The following SP110 variants were observed in gnomAD, a reference collection of about 807,000 sequenced individuals.
SP110 encodes the protein SP110 nuclear body protein.
In SP110, 62 loss-of-function variants were observed where a neutral mutation model predicts 92.7. The ratio of observed to expected loss-of-function variants is 0.67; its 90% CI spans 0.55 to 0.83. The LOEUF (loss-of-function observed/expected upper bound fraction) is 0.83, where lower values mean the gene tolerates loss of function less well. Among genes scored for constraint, SP110 ranks in the 40% least tolerant of loss-of-function variants. SP110 has a pLI of 0.00. For synonymous variants in SP110, 273 were observed against 305.3 expected, an observed-to-expected ratio of 0.89 and a Z score of 1.10; for missense variants, 793 against 863.9, an observed-to-expected ratio of 0.92 and a Z score of 1.03.
chr2:230,180,172 A>G (rs147093433), intron 12 of SP110, among the ~76,000 whole-genome samples: 1 of 152,340 alleles, frequency 6.6e-6, no homozygotes, highest in African/African-American at 2.4e-5. Flanking sequence ...GCCTGCTGTG[A>G]AAAGCAAGCA....
intron 3 of SP110, 99 bp from the exon 4 acceptor site, chr2:230,213,126 T>C: frequency 8.5e-7 from 1 of 1,178,810 alleles, no homozygotes; most frequent in Non-Finnish European, 1.3e-6. Flanking sequence ...GATGGGGGCA[T>C]GGAGCTATTC....
upstream of SP110, among the ~76,000 whole-genome samples, chr2:230,220,417 AAAAC>A (rs1228506226): frequency 1.3e-5 from 2 of 152,240 alleles, no homozygotes; most frequent in African/African-American, 4.8e-5. Flanking sequence ...AACACACAAA[AAAAC>A]AAAGAGAATG....
chr2:230,211,666 C>G lies in SP110; in HGVS notation c.668-113G>C. ...GTAAAAATGACGGGGTAACAGCAAC[C>G]AAGGCCTGGGAAAGGATGGCATAGA... On this transcript the variant is annotated intron_variant, in intron 5 of 18. Coordinates refer to ENST00000258381, the MANE Select transcript of SP110 (RefSeq NM_080424.4). This position sits in a 1 kb window ranked among gnomAD's most constrained non-coding sequence, Gnocchi z 4.2. The G allele has an allele frequency of 1.3e-6, 1 of 742,050 alleles. No individual in the cohort carries two copies. Among genetic ancestry groups the G allele is most frequent in the Non-Finnish European group, 2.4e-6 (1 of 410,586 alleles). 46.0% of individuals were successfully genotyped at this position (742,050 alleles called of 1,614,324 possible).
chr2:230,191,318 C>CA (rs1351981344), intron 10 of SP110, among the ~76,000 whole-genome samples: 1 of 151,740 alleles, frequency 6.6e-6, no homozygotes, highest in Admixed American at 6.6e-5. Flanking sequence ...GATAGAGACA[C>CA]AAAAAACCCT....
At chr2:230,171,044 C>T in intron 17 of SP110, 1 of 517,364 alleles carries the variant, frequency 1.9e-6, no homozygotes. Context: ...GATGTCTCAG[C>T]AAGAAAGTGG....
intron 12 of SP110, among the ~76,000 whole-genome samples, chr2:230,181,795 A>G (rs1462991794): frequency 6.6e-6 from 1 of 152,232 alleles, no homozygotes; most frequent in Non-Finnish European, 1.5e-5. Flanking sequence ...TAAAAAGTTA[A>G]GAAACAACAG....
chr2:230,199,954 G>GA (rs1362359204), intron 10 of SP110, among the ~76,000 whole-genome samples: 1 of 152,028 alleles, frequency 6.6e-6, no homozygotes, highest in Non-Finnish European at 1.5e-5. Context: ...AGGGGATCCT[G>GA]AAAAAAATCC....
chr2:230,194,121 G>T (rs960000386), intron 10 of SP110, among the ~76,000 whole-genome samples: 9 of 152,052 alleles, frequency 5.9e-5, no homozygotes, highest in Non-Finnish European at 1.3e-4. Context: ...CAAGATTGAG[G>T]CATGCTGGGA....
At chr2:230,207,933 T>C in intron 8 of SP110, 58 bp downstream of exon 8, 1 of 840,366 alleles carries the variant, frequency 1.2e-6, no homozygotes, top group Non-Finnish European at 2.0e-6. Flanking sequence ...CAGCTTGACC[T>C]ACAAGCCCTG....
At position 230,169,073 on chromosome 2, in the gene SP110, C is replaced by G. The variant is rs1471314755; in HGVS notation, c.*51G>C. On this transcript the variant is annotated 3_prime_UTR_variant, in exon 19 of 19. Transcript: ENST00000258381. ...GGCAATCAACAGTCCAAGCCAGGGT[C>G]CCATCAGCTGAATCCTGAGGTGGGG... The G allele has an allele frequency of 9.9e-6, 12 of 1,215,596 alleles. No homozygotes were observed. Among genetic ancestry groups the G allele is most frequent in the Non-Finnish European group, 1.5e-5 (12 of 817,288 alleles). 75.3% of individuals were successfully genotyped at this position (1,215,596 alleles called of 1,614,324 possible). A position where few individuals can be genotyped will look rare whatever the true frequency, so the allele number is the denominator to read the frequency against.
chr2:230,220,181 A>T, upstream of SP110: 1 of 613,380 alleles, frequency 1.6e-6, no homozygotes, highest in Non-Finnish European at 2.0e-6. Flanking sequence ...GGATCAGCCC[A>T]GAGAGGGAGG....
chr2:230,222,980 C>T (rs1018744924), upstream of SP110, among the ~76,000 whole-genome samples: 44 of 151,028 alleles, frequency 2.9e-4, no homozygotes. Context: ...AGCAGGTATG[C>T]TAGCCACCAA....
At chr2:230,224,665 A>G (rs765596341), upstream of SP110, among the ~76,000 whole-genome samples, 5 of 152,350 alleles carry the variant, frequency 3.3e-5, no homozygotes, top group Middle Eastern at 6.8e-3. Context: ...TGCACTCTGT[A>G]TTTTGCAAAC....
At chr2:230,176,195 T>C (rs1224234660) in intron 14 of SP110, among the ~76,000 whole-genome samples, 1 of 152,084 alleles carries the variant, frequency 6.6e-6, no homozygotes, top group East Asian at 1.9e-4. Flanking sequence ...CCACCCACCT[T>C]GGTCTCCCAA....
At chr2:230,216,641 C>T (rs2148951186) in intron 2 of SP110, 140 bp downstream of exon 2, 3 of 1,002,234 alleles carry the variant, frequency 3.0e-6, no homozygotes, top group Non-Finnish European at 4.7e-6. Flanking sequence ...TCCTAACTAC[C>T]CCCACCTTCT....
At position 230,212,404 on chromosome 2, in the gene SP110, T is replaced by C. The variant is rs756893316; in HGVS notation, c.610A>G (p.Met204Val). 1 of 1,612,270 alleles carries C rather than the reference T, an allele frequency of 6.2e-7. No individual in the cohort carries two copies. Among genetic ancestry groups the C allele is most frequent in the African/African-American group, 1.3e-5 (1 of 74,862 alleles). The change falls in exon 5 of 19, where the codon ATG becomes GTG. Residue 204 changes from methionine (M) to valine (V), a missense_variant. Coordinates refer to ENST00000258381, the MANE Select transcript of SP110 (RefSeq NM_080424.4). ...TCTTCTGAGTCTTCTTCCGCATTCA[T>C]TTTGGATGTTAACTTGTCATTGGTC... ...SVTNDKLTSK[M>V]NAEEDSEEMP...
intron 10 of SP110, among the ~76,000 whole-genome samples, chr2:230,194,378 TCA>T (rs1559155275): frequency 6.6e-6 from 1 of 151,664 alleles, no homozygotes; most frequent in East Asian, 1.9e-4. Context: ...GGCAAGAGGA[TCA>T]CTTGAGGCCA....
intron 14 of SP110, among the ~76,000 whole-genome samples, chr2:230,175,464 T>C (rs1050393145): frequency 1.3e-5 from 2 of 152,250 alleles, no homozygotes; most frequent in Non-Finnish European, 2.9e-5. Context: ...AATTTTTTGC[T>C]ATTATGATGT....
Position 230,168,862 on chromosome 2 carries a change from C to T in SP110, c.*262G>A. ...ATCAACTCTAAAAAGACTTATGAGA[C>T]AGTGGGGAGAATGTGAACTATGATG... On this transcript the variant is annotated 3_prime_UTR_variant, in exon 19 of 19. Coordinates refer to ENST00000258381, the MANE Select transcript of SP110 (RefSeq NM_080424.4). 2.6e-6 allele frequency: 1 copy of T among 381,184 alleles called. No individual in the cohort carries two copies. The highest frequency in any genetic ancestry group is 4.0e-5 in the Admixed American group (1 of 25,272). The allele number at this position is 381,184 out of a possible 1,614,324, so 23.6% of individuals were successfully genotyped here.
Sources: gnomAD v4.1 joint callset for allele counts (sites outside exome capture counted in the v4.1 genomes callset) on GRCh38, gnomAD v4.1.1 for gene constraint, Gnocchi (gnomAD v3.1) non-coding constraint, MANE v1.5 for transcripts, NCBI Gene and HGNC (gene_info 2026-07-23, HGNC 2026-07-21) for gene names.